Variants in PPIB observed in about 807,000 individuals in gnomAD.
PPIB encodes the protein peptidyl-prolyl cis-trans isomerase B.
PPIB carries 15 observed loss-of-function variants against 20.1 expected under a neutral mutation model. The ratio of observed to expected loss-of-function variants is 0.75; its 90% CI spans 0.50 to 1.15. The LOEUF (loss-of-function observed/expected upper bound fraction) is 1.15. Ranked by LOEUF, PPIB falls within the 50% of genes most tolerant of loss-of-function variation. PPIB has a pLI of 0.00. For missense variants in PPIB, 278 were observed against 283.0 expected (o/e 0.98, Z 0.13); for synonymous variants, 129 against 111.0 (o/e 1.16, Z -1.02).
chr15:64,157,016 G>C lies in PPIB; in HGVS notation c.344-107C>G, dbSNP rs2081538216. ...TAACCTGTCCTCTGTGCCAGGCTAG[G>C]CTGGAGTGGACTACAAGGACATAAA... On this transcript the variant is annotated intron_variant, in intron 3 of 4. Transcript: ENST00000300026. This position sits in a 1 kb window ranked among gnomAD's most constrained non-coding sequence, Gnocchi z 4.2. 1 of 1,199,528 alleles carries C rather than the reference G, an allele frequency of 8.3e-7. No homozygotes were observed. The highest frequency in any genetic ancestry group is 1.2e-6 in the Non-Finnish European group (1 of 843,228). The allele number at this position is 1,199,528 out of a possible 1,614,324, so 74.3% of individuals were successfully genotyped here.
Position 64,162,941 on chromosome 15 carries a change from C to A in PPIB, c.46G>T (p.Ala16Ser). Residue 16 changes from alanine to serine, a missense_variant, in exon 1 of 5, where the codon GCC becomes TCC. Transcript: ENST00000300026. ...ERNMKVLLAA[A>S]LIAGSVFFLL... ...AAGAAGACGGACCCCGCGATGAGGG[C>A]GGCGGCAAGGAGCACCTTCATGTTG... 1 of 1,613,626 alleles carries A rather than the reference C, an allele frequency of 6.2e-7. No individual in the cohort carries two copies. Among genetic ancestry groups the A allele is most frequent in the Admixed American group, 1.7e-5 (1 of 60,008 alleles).
chr15:64,156,687 AG>A lies in PPIB; in HGVS notation c.528+37del, dbSNP rs1230165576. On this transcript the variant is annotated intron_variant, in intron 4 of 4. Transcript: ENST00000300026. This position sits in a 1 kb window ranked among gnomAD's most constrained non-coding sequence, Gnocchi z 6.4. Reference sequence around the variant, plus strand: ...TGGGGTCTGTGTTGAATCCCCGGTGAGGATTGCCCAGTAGTAGCCCTTGCTT... The same window carrying A: ...TGGGGTCTGTGTTGAATCCCCGGTGAGATTGCCCAGTAGTAGCCCTTGCTT... 4 of 1,610,648 alleles carry A rather than the reference AG, an allele frequency of 2.5e-6. No individual in the cohort carries two copies. In the African/African-American group the frequency reaches 5.3e-5, roughly 22 times the overall value.
At position 64,161,667 on chromosome 15, in the gene PPIB, G is replaced by T. The variant is rs2140184017; in HGVS notation, c.249+374C>A. Among the ~76,000 whole-genome samples, 1 of 152,048 alleles carries T rather than the reference G, an allele frequency of 6.6e-6. No homozygotes were observed. Among genetic ancestry groups the T allele is most frequent in the Non-Finnish European group, 1.5e-5 (1 of 67,986 alleles). On this transcript the variant is annotated intron_variant, in intron 2 of 4. Coordinates refer to ENST00000300026, the MANE Select transcript of PPIB (RefSeq NM_000942.5). This position sits in a 1 kb window ranked among gnomAD's most constrained non-coding sequence, Gnocchi z 4.2. ...TTAAACCCGGGAGGCGGAGGTTGCA[G>T]TGAGCTGAGGCCGCACCACTGCACT...
Position 64,161,953 on chromosome 15 carries a change from T to C in PPIB, c.249+88A>G. On this transcript the variant is annotated intron_variant, in intron 2 of 4. Transcript: ENST00000300026. This position sits in a 1 kb window ranked among gnomAD's most constrained non-coding sequence, Gnocchi z 4.2. Reference sequence around the variant, plus strand: ...TGCTCAGTGAGGTCCACGCTACAGATCGGCTGAACTCTGCAGGTCAGTTTG... The same window carrying C: ...TGCTCAGTGAGGTCCACGCTACAGACCGGCTGAACTCTGCAGGTCAGTTTG... The C allele has an allele frequency of 1.1e-6, 1 of 926,480 alleles. No homozygotes were observed. Among genetic ancestry groups the C allele is most frequent in the Non-Finnish European group, 1.8e-6 (1 of 554,528 alleles). The allele number at this position is 926,480 out of a possible 1,614,324, so 57.4% of individuals were successfully genotyped here. A position where few individuals can be genotyped will look rare whatever the true frequency, so the allele number is the denominator to read the frequency against.
Position 64,155,966 on chromosome 15 carries a change from T to C in PPIB, c.*57A>G. On this transcript the variant is annotated 3_prime_UTR_variant, in exon 5 of 5. Transcript: ENST00000300026. ...CCGGGGCCAGTGCAGCTCAGAGCCC[T>C]GTGGCGGACTACAGGGCCTGCACAG... 1 of 1,613,180 alleles carries C rather than the reference T, an allele frequency of 6.2e-7. No individual in the cohort carries two copies. The highest frequency in any genetic ancestry group is 8.5e-7 in the Non-Finnish European group (1 of 1,179,810).
At position 64,160,164 on chromosome 15, in the gene PPIB, G is replaced by A. The variant is rs757275030; in HGVS notation, c.283C>T (p.Arg95Cys). ...TGGATCATGAAGTCCTTGATTACACGATGGAATTTGCTGTTTTTGTAGCCA... is the reference window on the plus strand; with the variant it reads ...TGGATCATGAAGTCCTTGATTACACAATGGAATTTGCTGTTTTTGTAGCCA... ...GFGYKNSKFH[R>C]VIKDFMIQGG... The change falls in exon 3 of 5, where the codon CGT (arginine) becomes TGT (cysteine). Residue 95 changes from arginine to cysteine, a missense_variant. Physicochemically the swap from Arg to Cys is radical, Grantham distance 180. Transcript: ENST00000300026. The surrounding 1 kb of genome is among the most constrained non-coding windows in gnomAD (Gnocchi z 4.8). 12 of 1,613,930 alleles carry A rather than the reference G, an allele frequency of 7.4e-6. No homozygotes were observed. Among genetic ancestry groups the A allele is most frequent in the African/African-American group, 1.3e-5 (1 of 74,914 alleles).
chr15:64,160,235 G>T lies in PPIB; in HGVS notation c.250-38C>A, dbSNP rs1426903750. 1 of 1,518,468 alleles carries T rather than the reference G, an allele frequency of 6.6e-7. No individual in the cohort carries two copies. The highest frequency in any genetic ancestry group is 9.1e-7 in the Non-Finnish European group (1 of 1,093,086). 94.1% of individuals were successfully genotyped at this position (1,518,468 alleles called of 1,614,324 possible). A position where few individuals can be genotyped will look rare whatever the true frequency, so the allele number is the denominator to read the frequency against. On this transcript the variant is annotated intron_variant, in intron 2 of 4. Coordinates refer to ENST00000300026, the MANE Select transcript of PPIB (RefSeq NM_000942.5). The surrounding 1 kb of genome is among the most constrained non-coding windows in gnomAD (Gnocchi z 4.8). ...AAGAGAAGGTAAGGAGGTGGTATGG[G>T]GCAGCAGGAAGACATTACATTAAAT...
Position 64,162,848 on chromosome 15 carries a change from G to A in PPIB, c.135+4C>T, listed in dbSNP as rs748524759. On this transcript the variant is annotated splice_donor_region_variant and intron_variant, in intron 1 of 4. Transcript: ENST00000300026. ...CACCGTAAATGCCGCGGACTCCACC[G>A]GACCTTGACGGTGACTTTGGGCCCC... is the stretch of plus-strand genomic sequence containing the variant. 1.1e-5 allele frequency: 17 copies of A among 1,610,122 alleles called. No individual in the cohort carries two copies. The highest frequency in any genetic ancestry group is 1.4e-5 in the Non-Finnish European group (17 of 1,178,602).
Position 64,160,359 on chromosome 15 carries a change from G to A in PPIB, c.250-162C>T, listed in dbSNP as rs976381461. The stretch of plus-strand genomic sequence containing the variant: ...TGTGCTACTAAGTGAGCGGGCAGGC[G>A]CCACAGGACAGGCATGGTACACACA... On this transcript the variant is annotated intron_variant, in intron 2 of 4. Transcript: ENST00000300026. This position sits in a 1 kb window ranked among gnomAD's most constrained non-coding sequence, Gnocchi z 4.8. 2.0e-5 allele frequency among the ~76,000 whole-genome samples: 3 copies of A among 152,168 alleles called. No individual in the cohort carries two copies. Among genetic ancestry groups the A allele is most frequent in the Non-Finnish European group, 4.4e-5 (3 of 68,024 alleles).
Position 64,156,923 on chromosome 15 carries a change from CAG to C in PPIB, c.344-16_344-15del, listed in dbSNP as rs758284578. On this transcript the variant is annotated splice_polypyrimidine_tract_variant and intron_variant, in intron 3 of 4. Coordinates refer to ENST00000300026, the MANE Select transcript of PPIB (RefSeq NM_000942.5). The surrounding 1 kb of genome is among the most constrained non-coding windows in gnomAD (Gnocchi z 6.4). ...AGATGCTCTTTCCTGGGAAAAAAGA[CAG>C]AGCAGGTCAGGGGCGCTGGATTGCG... 4 of 1,613,818 alleles carry C rather than the reference CAG, an allele frequency of 2.5e-6. No individual in the cohort carries two copies. The East Asian group carries it at 8.9e-5, about 36-fold the overall frequency.
Position 64,159,812 on chromosome 15 carries a change from A to T in PPIB, c.343+292T>A, listed in dbSNP as rs781705514. The T allele has an allele frequency of 7.7e-6, 4 of 522,040 alleles. No individual in the cohort carries two copies. Among genetic ancestry groups the T allele is most frequent in the Non-Finnish European group, 1.4e-5 (4 of 287,742 alleles). The allele number at this position is 522,040 out of a possible 1,614,324, so 32.3% of individuals were successfully genotyped here. On this transcript the variant is annotated intron_variant, in intron 3 of 4. Transcript: ENST00000300026. This position sits in a 1 kb window ranked among gnomAD's most constrained non-coding sequence, Gnocchi z 5.1. ...CCACACGCCTCTCTCCCCAATCCCC[A>T]TTCTGAAGAGGTATCAGGAAAGGTC...
Position 64,162,967 on chromosome 15 carries a change from C to T in PPIB, c.20G>A (p.Arg7His). 6.2e-7 allele frequency: 1 copy of T among 1,613,164 alleles called. No individual in the cohort carries two copies. ...GGCGGCAAGGAGCACCTTCATGTTG[C>T]GTTCGGAGAGGCGCAGCATCCACAG... MLRLSERNMKVLLAAAL... is the reference protein window; with the variant it reads MLRLSEHNMKVLLAAAL... Residue 7 changes from arginine to histidine, a missense_variant, in exon 1 of 5, where the codon CGC (arginine) becomes CAC (histidine). By Grantham distance (29) the Arg-to-His change is conservative. Transcript: ENST00000300026.
rs972607985 is a variant in PPIB at position 64,156,540 on chromosome 15, G to A, written c.528+185C>T. The A allele has an allele frequency of 5.1e-6, 4 of 783,084 alleles. No individual in the cohort carries two copies. The highest frequency in any genetic ancestry group is 5.1e-5 in the African/African-American group (3 of 58,878). 48.5% of individuals were successfully genotyped at this position (783,084 alleles called of 1,614,324 possible). ...GCCTTCCTGGCTGGGCTCTGAGGGGGCTGGAAGAATTTAGAACCTTGGAGG... is the reference window on the plus strand; with the variant it reads ...GCCTTCCTGGCTGGGCTCTGAGGGGACTGGAAGAATTTAGAACCTTGGAGG... On this transcript the variant is annotated intron_variant, in intron 4 of 4. Coordinates refer to ENST00000300026, the MANE Select transcript of PPIB (RefSeq NM_000942.5). The surrounding 1 kb of genome is among the most constrained non-coding windows in gnomAD (Gnocchi z 6.4).
At position 64,156,332 on chromosome 15, in the gene PPIB, G is replaced by T. The variant is rs1484501031; in HGVS notation, c.529-187C>A. 2 of 816,078 alleles carry T rather than the reference G, an allele frequency of 2.5e-6. No homozygotes were observed. Among genetic ancestry groups the T allele is most frequent in the Non-Finnish European group, 4.0e-6 (2 of 503,432 alleles). The allele number at this position is 816,078 out of a possible 1,614,324, so 50.6% of individuals were successfully genotyped here. ...GGGAGAATGCAGATTTGACGAGGGG[G>T]TACAGGAATTTTGTTCCTTTGAAGT... On this transcript the variant is annotated intron_variant, in intron 4 of 4. Coordinates refer to ENST00000300026, the MANE Select transcript of PPIB (RefSeq NM_000942.5). This position sits in a 1 kb window ranked among gnomAD's most constrained non-coding sequence, Gnocchi z 6.4.
rs1308305981 is a variant in PPIB at position 64,158,178 on chromosome 15, C to T, written c.344-1269G>A. Reference sequence around the variant, plus strand: ...TCAGTTATTCTTTTGACCCCTTTTCCTCTGCACGTGGCTCAGGTTGTCCCT... The same window carrying T: ...TCAGTTATTCTTTTGACCCCTTTTCTTCTGCACGTGGCTCAGGTTGTCCCT... On this transcript the variant is annotated intron_variant, in intron 3 of 4. Coordinates refer to ENST00000300026, the MANE Select transcript of PPIB (RefSeq NM_000942.5). The surrounding 1 kb of genome is among the most constrained non-coding windows in gnomAD (Gnocchi z 4.7). Among the ~76,000 whole-genome samples, 3 of 152,188 alleles carry T rather than the reference C, an allele frequency of 2.0e-5. No individual in the cohort carries two copies. The highest frequency in any genetic ancestry group is 7.2e-5 in the African/African-American group (3 of 41,448).
In PPIB at chr15:64,155,819, T is replaced by TG. The variant is rs2081524952; in HGVS notation, c.*203_*204insC. The TG allele has an allele frequency of 1.9e-6, 1 of 523,110 alleles. No individual in the cohort carries two copies. The highest frequency in any genetic ancestry group is 2.3e-5 in the African/African-American group (1 of 44,176). 32.4% of individuals were successfully genotyped at this position (523,110 alleles called of 1,614,324 possible). A position where few individuals can be genotyped will look rare whatever the true frequency, so the allele number is the denominator to read the frequency against. On this transcript the variant is annotated 3_prime_UTR_variant, in exon 5 of 5. Transcript: ENST00000300026. The stretch of plus-strand genomic sequence containing the variant: ...AAGAACCAGGCCCACACATTATATA[T>TG]TAAAAAAAAAAAAACCCACATTTTT...
At position 64,159,960 on chromosome 15, in the gene PPIB, C is replaced by G; in HGVS notation, c.343+144G>C. Reference sequence around the variant, plus strand: ...GGGTTCCCTCTTCAAAGAAGGGTGCCGCTGGTCTCAAAGTAGGTAAGTAAT... The same window carrying G: ...GGGTTCCCTCTTCAAAGAAGGGTGCGGCTGGTCTCAAAGTAGGTAAGTAAT... On this transcript the variant is annotated intron_variant, in intron 3 of 4. Coordinates refer to ENST00000300026, the MANE Select transcript of PPIB (RefSeq NM_000942.5). This position sits in a 1 kb window ranked among gnomAD's most constrained non-coding sequence, Gnocchi z 5.1. 2 of 740,866 alleles carry G rather than the reference C, an allele frequency of 2.7e-6. No individual in the cohort carries two copies. The highest frequency in any genetic ancestry group is 4.9e-6 in the Non-Finnish European group (2 of 411,678). The allele number at this position is 740,866 out of a possible 1,614,324, so 45.9% of individuals were successfully genotyped here.
Position 64,159,999 on chromosome 15 carries a change from T to C in PPIB, c.343+105A>G. 1 of 1,009,638 alleles carries C rather than the reference T, an allele frequency of 9.9e-7. No homozygotes were observed. The highest frequency in any genetic ancestry group is 1.3e-5 in the South Asian group (1 of 77,602). 62.5% of individuals were successfully genotyped at this position (1,009,638 alleles called of 1,614,324 possible). On this transcript the variant is annotated intron_variant, in intron 3 of 4. Transcript: ENST00000300026. The surrounding 1 kb of genome is among the most constrained non-coding windows in gnomAD (Gnocchi z 5.1). ...TAGGTAAGTAATAAGTAGGCCTGCCTCTAGAGCTGGGGAAGAAAGAGGCCT... is the reference window on the plus strand; with the variant it reads ...TAGGTAAGTAATAAGTAGGCCTGCCCCTAGAGCTGGGGAAGAAAGAGGCCT...
Position 64,160,002 on chromosome 15 carries a change from A to T in PPIB, c.343+102T>A. ...GTAAGTAATAAGTAGGCCTGCCTCT[A>T]GAGCTGGGGAAGAAAGAGGCCTGGT... is the stretch of plus-strand genomic sequence containing the variant. On this transcript the variant is annotated intron_variant, in intron 3 of 4. Transcript: ENST00000300026. The surrounding 1 kb of genome is among the most constrained non-coding windows in gnomAD (Gnocchi z 4.8). The T allele has an allele frequency of 2.9e-6, 3 of 1,026,492 alleles. No individual in the cohort carries two copies. Among genetic ancestry groups the T allele is most frequent in the Admixed American group, 3.6e-5 (2 of 56,198 alleles). 63.6% of individuals were successfully genotyped at this position (1,026,492 alleles called of 1,614,324 possible).
Sources: gnomAD v4.1 joint callset for allele counts (sites outside exome capture counted in the v4.1 genomes callset) on GRCh38, gnomAD v4.1.1 for gene constraint, Gnocchi (gnomAD v3.1) non-coding constraint, MANE v1.5 for transcripts, NCBI Gene and HGNC (gene_info 2026-07-23, HGNC 2026-07-21) for gene names.